Variants in PDXDC1 observed in about 807,000 individuals in gnomAD.
PDXDC1 encodes pyridoxal-dependent decarboxylase domain-containing protein 1.
PDXDC1 carries 42 observed loss-of-function variants against 100.1 expected under a neutral mutation model. That is an observed-to-expected ratio of 0.42 (90% CI 0.33 to 0.54). PDXDC1 has a LOEUF of 0.54. Among genes scored for constraint, PDXDC1 ranks in the 20% least tolerant of loss-of-function variants. The probability of loss-of-function intolerance (pLI) is 0.10; values close to 1 mark genes in which losing one functional copy is unlikely to be tolerated. For synonymous variants in PDXDC1, 260 were observed against 371.7 expected, an observed-to-expected ratio of 0.70 and a Z score of 3.46; for missense variants, 636 against 979.2, an observed-to-expected ratio of 0.65 and a Z score of 4.68.
chr16:15,063,711 A>AG (rs2044823463), intron 16 of PDXDC1, among the ~76,000 whole-genome samples: 1 of 150,846 alleles, frequency 6.6e-6, no homozygotes, highest in South Asian at 2.1e-4. Context: ...TCTCAAAAAA[A>AG]AAAAAAAAAA....
rs764178595 is a variant in PDXDC1, at chr16:15,036,305, A to G, written c.*30A>G. ...CATTGTGTGGTTTGAGACTGTACTG[A>G]GTATTGTTTCAGGGAAGATGAAGTT... On this transcript the variant is annotated 3_prime_UTR_variant, in exon 23 of 23. Coordinates refer to ENST00000396410, the MANE Select transcript of PDXDC1 (RefSeq NM_015027.4). 3.2e-6 allele frequency: 5 copies of G among 1,575,004 alleles called. No homozygotes were observed. The African/African-American group carries it at 6.8e-5, about 21-fold the overall frequency.
At chr16:15,124,613 A>C (rs2047603075) in intron 16 of PDXDC1, among the ~76,000 whole-genome samples, 1 of 148,392 alleles carries the variant, frequency 6.7e-6, no homozygotes, top group African/African-American at 2.4e-5. Flanking sequence ...TGTCTAATAA[A>C]ATACAAAAAT....
rs1281779064 is a variant in PDXDC1, at chr16:15,126,952, C to G, written c.1400-11927C>G. On this transcript the variant is annotated intron_variant, in intron 16 of 16. Coordinates refer to the PDXDC1 transcript ENST00000535621. Reference sequence around the variant, plus strand: ...GGATTACAGGCGTGAGCCACCGTGCCTGGTCCTTTTTAATGTTTTATATAG... The same window carrying G: ...GGATTACAGGCGTGAGCCACCGTGCGTGGTCCTTTTTAATGTTTTATATAG... 4 of 276,482 alleles carry G rather than the reference C, an allele frequency of 1.4e-5. 1 individual carries two copies. Among genetic ancestry groups the G allele is most frequent in the East Asian group, 9.6e-5 (1 of 10,406 alleles). 17.1% of individuals were successfully genotyped at this position (276,482 alleles called of 1,614,324 possible).
intron 16 of PDXDC1, among the ~76,000 whole-genome samples, chr16:15,095,265 G>A (rs533453172): frequency 3.0e-4 from 45 of 152,272 alleles, no homozygotes; most frequent in Admixed American, 2.6e-3. Context: ...TAGAGGGAGA[G>A]CAGGGGCTGC....
rs1266021412 is a variant in PDXDC1, at chr16:15,037,833, A to G, written c.*1558A>G. ...CTGGACATCAATTTTTTAGTAAACC[A>G]AAAAATAAGTCTCAACAAATGCCTT... On this transcript the variant is annotated 3_prime_UTR_variant, in exon 23 of 23. Transcript: ENST00000396410. The G allele has an allele frequency of 4.2e-6, 2 of 481,688 alleles. No individual in the cohort carries two copies. The highest frequency in any genetic ancestry group is 7.3e-6 in the Non-Finnish European group (2 of 275,368). The allele number at this position is 481,688 out of a possible 1,614,324, so 29.8% of individuals were successfully genotyped here. A position where few individuals can be genotyped will look rare whatever the true frequency, so the allele number is the denominator to read the frequency against.
At chr16:15,003,172 G>A (rs1355926619) in intron 4 of PDXDC1, among the ~76,000 whole-genome samples, 6 of 150,916 alleles carry the variant, frequency 4.0e-5, no homozygotes, top group African/African-American at 1.5e-4. Context: ...CTGTATTATT[G>A]CAATAAATAA....
At chr16:14,983,510 T>C (rs1412883577) in intron 1 of PDXDC1, among the ~76,000 whole-genome samples, 1 of 135,622 alleles carries the variant, frequency 7.4e-6, no homozygotes, top group African/African-American at 2.7e-5. Context: ...GAGGCGGAGG[T>C]TGCAGTGAGC....
chr16:14,975,445 C>T (rs571371982), intron 1 of PDXDC1: 1 of 985,256 alleles, frequency 1.0e-6, no homozygotes, highest in East Asian at 1.1e-4. Flanking sequence ...GGGCGGGGTT[C>T]GGTGGGGGCC....
intron 16 of PDXDC1, among the ~76,000 whole-genome samples, chr16:15,117,266 C>A (rs1050845304): frequency 2.0e-5 from 1 of 49,312 alleles, no homozygotes; most frequent in African/African-American, 8.7e-5. Flanking sequence ...GAGAAACTGT[C>A]TCAAATAAAT....
intron 1 of PDXDC1, among the ~76,000 whole-genome samples, chr16:14,984,495 A>ATATTTTTT (rs1555542734): frequency 1.1e-4 from 8 of 73,492 alleles, no homozygotes; most frequent in African/African-American, 1.5e-4. Context: ...ATATATATAT[A>ATATTTTTT]TTTTTTTTTT....
intron 16 of PDXDC1, among the ~76,000 whole-genome samples, chr16:15,067,944 G>A (rs896845943): frequency 1.4e-4 from 21 of 151,726 alleles, no homozygotes; most frequent in African/African-American, 4.6e-4. Context: ...TTTTTTTGTA[G>A]AGATAGGGTC....
chr16:14,985,946 T>A (rs982417917), intron 1 of PDXDC1, among the ~76,000 whole-genome samples: 1 of 152,298 alleles, frequency 6.6e-6, no homozygotes, highest in Non-Finnish European at 1.5e-5. Context: ...AAAAAATTTT[T>A]AAAAATTAGC....
At chr16:15,033,819 A>G (rs1433277019) in intron 19 of PDXDC1, among the ~76,000 whole-genome samples, 4 of 152,174 alleles carry the variant, frequency 2.6e-5, no homozygotes, top group African/African-American at 9.7e-5. Flanking sequence ...CCAGGAATAG[A>G]CCTACTGCTG....
At chr16:14,975,571 G>T in intron 1 of PDXDC1, 1 of 985,500 alleles carries the variant, frequency 1.0e-6, no homozygotes, top group South Asian at 4.7e-5. Flanking sequence ...GGAGCTCTCC[G>T]TTGGCGGCCC....
the PDXDC1 span, among the ~76,000 whole-genome samples, chr16:15,148,370 ATTTTT>A: frequency 1.1e-3 from 37 of 34,098 alleles, no homozygotes; most frequent in Middle Eastern, 0.025. Flanking sequence ...AGATCCTGTG[ATTTTT>A]TTTTTTTTTT....
Position 15,024,460 on chromosome 16 carries a change from G to A in PDXDC1, c.1140+1706G>A, listed in dbSNP as rs148420521. Among the ~76,000 whole-genome samples the A allele has an allele frequency of 4.7e-5, 7 of 148,698 alleles. No homozygotes were observed. In the East Asian group the frequency reaches 1.4e-3, roughly 30 times the overall value. ...CTCACTATGTAGCCCAGACTGGAGT[G>A]CAGTGGTGCGATCTTGGCTCACTCT... On this transcript the variant is annotated intron_variant, in intron 13 of 22. Coordinates refer to ENST00000396410, the MANE Select transcript of PDXDC1 (RefSeq NM_015027.4).
At chr16:15,013,898 T>G (rs1421868929) in intron 8 of PDXDC1, among the ~76,000 whole-genome samples, 3 of 127,506 alleles carry the variant, frequency 2.4e-5, no homozygotes, top group African/African-American at 6.0e-5. Context: ...AAAAAAAAAA[T>G]CATACTACAA....
intron 8 of PDXDC1, among the ~76,000 whole-genome samples, chr16:15,014,296 T>G (rs9940231): frequency 1.3e-5 from 2 of 152,382 alleles, no homozygotes; most frequent in South Asian, 4.1e-4. Context: ...CCTTATTGTT[T>G]AAAAACACAA....
intron 1 of PDXDC1, among the ~76,000 whole-genome samples, chr16:14,983,427 G>C (rs1228178072): frequency 6.6e-6 from 1 of 152,090 alleles, no homozygotes; most frequent in East Asian, 1.9e-4. Flanking sequence ...AAAAAAACTA[G>C]CCGGGTGTCG....
Sources: gnomAD v4.1 joint callset for allele counts (sites outside exome capture counted in the v4.1 genomes callset) on GRCh38, gnomAD v4.1.1 for gene constraint, MANE v1.5 for transcripts, NCBI Gene and HGNC (gene_info 2026-07-23, HGNC 2026-07-21) for gene names.